Variants in CPNE5 observed in about 807,000 individuals in gnomAD.
CPNE5 encodes copine 5, also known as copine-5.
In CPNE5, 42 loss-of-function variants were observed where a neutral mutation model predicts 81.1. The ratio of observed to expected loss-of-function variants is 0.52; its 90% CI spans 0.40 to 0.67. The LOEUF is 0.67. Ranked by LOEUF, CPNE5 falls within the 30% of genes least tolerant of loss-of-function variation. The pLI is 0.00. For synonymous variants in CPNE5, 313 were observed against 321.5 expected (o/e 0.97, Z 0.28); for missense variants, 612 against 815.5 (o/e 0.75, Z 3.04).
intron 3 of CPNE5, among the ~76,000 whole-genome samples, chr6:36,811,225 G>C (rs1771075845): frequency 6.6e-6 from 1 of 152,112 alleles, no homozygotes; most frequent in African/African-American, 2.4e-5. Context: ...CCACCCTAAA[G>C]GAAGCCAAGC....
chr6:36,775,397 G>C (rs1005290191), intron 9 of CPNE5, among the ~76,000 whole-genome samples: 1 of 152,180 alleles, frequency 6.6e-6, no homozygotes, highest in African/African-American at 2.4e-5. Flanking sequence ...TGGGCCTCCA[G>C]CTCCCCACCT....
At chr6:36,798,391 G>A in intron 5 of CPNE5, 64 bp downstream of exon 5, 1 of 1,565,778 alleles carries the variant, frequency 6.4e-7, no homozygotes, top group Non-Finnish European at 8.8e-7. Flanking sequence ...AAAGCCCCAG[G>A]CTCACCCAGA....
chr6:36,825,056 C>T (rs989985258), intron 1 of CPNE5, among the ~76,000 whole-genome samples: 4 of 152,288 alleles, frequency 2.6e-5, no homozygotes, highest in African/African-American at 9.6e-5. Flanking sequence ...AGGCAAAGGG[C>T]GACCGTGGCC....
intron 3 of CPNE5, among the ~76,000 whole-genome samples, chr6:36,812,166 A>G (rs1771165023): frequency 6.6e-6 from 1 of 152,216 alleles, no homozygotes; most frequent in Non-Finnish European, 1.5e-5. Context: ...GGAGAAGACC[A>G]GGGACTCCGA....
At chr6:36,795,158 T>A (rs1769449679) in intron 6 of CPNE5, among the ~76,000 whole-genome samples, 1 of 152,148 alleles carries the variant, frequency 6.6e-6, no homozygotes, top group African/African-American at 2.4e-5. Context: ...TATTTGGAAA[T>A]AGAGTCTTTT....
chr6:36,767,770 T>C (rs186495376), intron 10 of CPNE5, among the ~76,000 whole-genome samples: 1 of 152,380 alleles, frequency 6.6e-6, no homozygotes, highest in Admixed American at 6.5e-5. Flanking sequence ...TTGGTCTGGA[T>C]AGGACTCAGG....
chr6:36,753,167 G>A (rs896566720), intron 13 of CPNE5, 72 bp from the exon 14 acceptor site: 13 of 1,243,194 alleles, frequency 1.0e-5, no homozygotes, highest in Non-Finnish European at 1.5e-5. Context: ...TTCGAGAGCT[G>A]ACATTGACAG....
chr6:36,756,157 C>T (rs921288121), intron 13 of CPNE5, 88 bp downstream of exon 13: 2 of 1,068,538 alleles, frequency 1.9e-6, no homozygotes, highest in Admixed American at 3.9e-5. Flanking sequence ...CCTGCACACA[C>T]ACAGACGCAC....
chr6:36,784,265 T>C (rs1768317658), intron 8 of CPNE5, among the ~76,000 whole-genome samples: 1 of 152,230 alleles, frequency 6.6e-6, no homozygotes, highest in African/African-American at 2.4e-5. Flanking sequence ...TGTGATCATC[T>C]GCATTGTTGC....
intron 8 of CPNE5, among the ~76,000 whole-genome samples, chr6:36,783,716 G>A (rs1348580031): frequency 1.3e-5 from 2 of 152,098 alleles, no homozygotes; most frequent in Non-Finnish European, 2.9e-5. Context: ...GTCTTGCTAT[G>A]TTGCCCAGGC....
In CPNE5 at chr6:36,742,763, C is replaced by A. The variant is rs1157858589; in HGVS notation, c.1564-277G>T. On this transcript the variant is annotated intron_variant, in intron 20 of 20. Transcript: ENST00000244751. ...ACCACTGAACACGATTTCTCCACCT[C>A]GGCACTAAGCACAGGCTCTGAGTAG... 5.1e-6 allele frequency: 5 copies of A among 985,356 alleles called. No individual in the cohort carries two copies. The South Asian group carries it at 1.4e-4, about 28-fold the overall frequency. 61.0% of individuals were successfully genotyped at this position (985,356 alleles called of 1,614,324 possible).
At chr6:36,779,551 C>T (rs1415508158) in intron 8 of CPNE5, among the ~76,000 whole-genome samples, 8 of 152,228 alleles carry the variant, frequency 5.3e-5, no homozygotes, top group African/African-American at 1.9e-4. Context: ...CCCACCAACT[C>T]ATGAGAGGCT....
rs140080245 is a variant in CPNE5 at position 36,800,059 on chromosome 6, G to C, written c.195C>G (p.Thr65=). 2.0e-5 allele frequency: 32 copies of C among 1,612,374 alleles called. No homozygotes were observed. The highest frequency in any genetic ancestry group is 2.5e-5 in the Non-Finnish European group (30 of 1,179,446). Residue 65 remains threonine (T), a synonymous_variant, in exon 4 of 21, where the codon ACC becomes ACG. Transcript: ENST00000244751. ...ENKQWREFGR[T]EVIDNTLNPD... ...GATTGAGCGTGTTGTCGATGACTTC[G>C]GTGCGCCCAAACTGCAAGAGAAGAT... is the stretch of plus-strand genomic sequence containing the variant.
At chr6:36,759,806 T>G (rs1582771050) in intron 12 of CPNE5, among the ~76,000 whole-genome samples, 1 of 150,098 alleles carries the variant, frequency 6.7e-6, no homozygotes, top group Admixed American at 6.6e-5. Context: ...AGCACGGAGG[T>G]TCAGAGAGCC....
chr6:36,833,611 G>C (rs1773155912), intron 1 of CPNE5, among the ~76,000 whole-genome samples: 1 of 152,242 alleles, frequency 6.6e-6, no homozygotes, highest in Non-Finnish European at 1.5e-5. Flanking sequence ...GACTCTAGGA[G>C]CTGAGAGTCA....
At chr6:36,831,812 A>T (rs1773013981) in intron 1 of CPNE5, among the ~76,000 whole-genome samples, 1 of 152,184 alleles carries the variant, frequency 6.6e-6, no homozygotes, top group Non-Finnish European at 1.5e-5. Context: ...TAGTCTTCAG[A>T]ACAATGAAGA....
intron 9 of CPNE5, 131 bp downstream of exon 9, chr6:36,778,723 G>A (rs1767764941): frequency 3.0e-6 from 2 of 676,856 alleles, no homozygotes; most frequent in African/African-American, 1.8e-5. Context: ...TCCACCCAGA[G>A]CCCTTGCCCT....
chr6:36,812,099 G>A (rs529069190), intron 3 of CPNE5, among the ~76,000 whole-genome samples: 2 of 152,232 alleles, frequency 1.3e-5, no homozygotes, highest in South Asian at 4.2e-4. Context: ...GTGAGACTCC[G>A]TCTCAAAAAC....
chr6:36,836,906 T>G (rs976744556), intron 1 of CPNE5, among the ~76,000 whole-genome samples: 2 of 152,028 alleles, frequency 1.3e-5, no homozygotes, highest in African/African-American at 4.8e-5. Context: ...CAAAACCCAC[T>G]TCCCCCCACC....
Sources: allele counts gnomAD v4.1 joint callset (sites outside exome capture counted in the v4.1 genomes callset), GRCh38; gene constraint gnomAD v4.1.1; transcripts MANE v1.5; gene names NCBI Gene and HGNC (gene_info 2026-07-23, HGNC 2026-07-21).